The following LAMA1 variants were observed in gnomAD, a reference collection of about 807,000 sequenced individuals.
LAMA1 encodes the protein laminin subunit alpha 1.
In LAMA1, 219 loss-of-function variants were observed where a neutral mutation model predicts 348.7. The observed-to-expected ratio is 0.63, with a 90% CI of 0.56 to 0.70. LAMA1 has a LOEUF of 0.70. Among genes scored for constraint, LAMA1 ranks in the 30% least tolerant of loss-of-function variants. The pLI is 0.00. For missense variants in LAMA1, 3,744 were observed against 3,888.0 expected (o/e 0.96, Z 0.99); for synonymous variants, 1,487 against 1,491.0 (o/e 1.00, Z 0.06).
chr18:6,971,507 T>C (rs959188547), intron 48 of LAMA1, among the ~76,000 whole-genome samples: 1 of 152,142 alleles, frequency 6.6e-6, no homozygotes, highest in African/African-American at 2.4e-5. Context: ...ACGTTTAGGG[T>C]TTATGATCCA....
intron 16 of LAMA1, among the ~76,000 whole-genome samples, chr18:7,031,785 A>G (rs1051961428): frequency 6.6e-6 from 1 of 151,944 alleles, no homozygotes; most frequent in Non-Finnish European, 1.5e-5. Context: ...TTATAGTCTC[A>G]GCAAATAAAA....
intron 1 of LAMA1, among the ~76,000 whole-genome samples, chr18:7,089,311 G>A (rs532400368): frequency 3.7e-4 from 56 of 152,104 alleles, no homozygotes; most frequent in Admixed American, 4.6e-4. Flanking sequence ...CCCAGGAGGC[G>A]GACATTGCAG....
Position 7,043,240 on chromosome 18 carries a change from T to C in LAMA1, c.1142A>G (p.Tyr381Cys), listed in dbSNP as rs1189040116. 6.8e-6 allele frequency: 11 copies of C among 1,614,056 alleles called. No individual in the cohort carries two copies. The Admixed American group carries it at 1.3e-4, about 20-fold the overall frequency. Residue 381 changes from tyrosine to cysteine, a missense_variant, in exon 8 of 63, where the codon TAT (tyrosine) becomes TGT (cysteine). This residue lies in a region of LAMA1 where 1,529 missense variants were observed against 1,689.4 expected (regional missense o/e 0.91). Coordinates refer to ENST00000389658, the MANE Select transcript of LAMA1 (RefSeq NM_005559.4). ...AAATACTCTTACTTTGTGTGGTCTA[T>C]AATATCCATCAATACAGGTTTCACA... ...INCETCIDGY[Y>C]RPHKVSPYED...
In LAMA1 at chr18:6,950,859, G is replaced by T. The variant is rs2057543124; in HGVS notation, c.8320C>A (p.His2774Asn). Residue 2774 changes from histidine (H) to asparagine (N), a missense_variant, in exon 58 of 63, where the codon CAC becomes AAC. Physicochemically the swap from His to Asn is moderately conservative, Grantham distance 68. Coordinates refer to ENST00000389658, the MANE Select transcript of LAMA1 (RefSeq NM_005559.4). ...AVLQLHGGRL[H>N]FMFDLGKGRT... ...CCTTTGCCAAGGTCAAACATGAAGT[G>T]GAGGCGGCCCCCGTGCAGCTGGAGC... The T allele has an allele frequency of 6.2e-7, 1 of 1,614,168 alleles. No homozygotes were observed. Among genetic ancestry groups the T allele is most frequent in the South Asian group, 1.1e-5 (1 of 91,080 alleles).
At position 7,117,729 on chromosome 18, in the gene LAMA1, C is replaced by A. The variant is rs543910953; in HGVS notation, c.-9G>T. 6.3e-7 allele frequency: 1 copy of A among 1,595,636 alleles called. No homozygotes were observed. The highest frequency in any genetic ancestry group is 1.7e-5 in the Admixed American group (1 of 59,680). On this transcript the variant is annotated 5_prime_UTR_variant, in exon 1 of 63. Coordinates refer to ENST00000389658, the MANE Select transcript of LAMA1 (RefSeq NM_005559.4). ...AGCACGCCCCCGCGCATCTCGCCTC[C>A]GCCGCCACTCGGTGGGTCTGGGGAG...
Position 7,015,795 on chromosome 18 carries a change from G to T in LAMA1, c.3053C>A (p.Pro1018His), listed in dbSNP as rs767646512. Residue 1018 changes from proline to histidine, a missense_variant, in exon 22 of 63, where the codon CCT becomes CAT. Physicochemically the swap from Pro to His is moderately conservative, Grantham distance 77. Coordinates refer to ENST00000389658, the MANE Select transcript of LAMA1 (RefSeq NM_005559.4). Reference sequence around the variant, plus strand: ...TTCACACTTCACACCCTGTGTGTGAGGGGGGCAGACACACTCTCCAGTTTC... The same window carrying T: ...TTCACACTTCACACCCTGTGTGTGATGGGGGCAGACACACTCTCCAGTTTC... ...DPETGECVCPPHTQGVKCEEC... is the reference protein window; with the variant it reads ...DPETGECVCPHHTQGVKCEEC... 1.9e-6 allele frequency: 3 copies of T among 1,614,016 alleles called. No homozygotes were observed. Among genetic ancestry groups the T allele is most frequent in the South Asian group, 2.2e-5 (2 of 91,076 alleles).
At position 7,031,932 on chromosome 18, in the gene LAMA1, C is replaced by T. The variant is rs796797364; in HGVS notation, c.2274+134G>A. 58 of 601,590 alleles carry T rather than the reference C, an allele frequency of 9.6e-5. 1 individual carries two copies. The highest frequency in any genetic ancestry group is 9.1e-4 in the African/African-American group (46 of 50,722). The allele number at this position is 601,590 out of a possible 1,614,324, so 37.3% of individuals were successfully genotyped here. ...AACATTTCATGACATGAGCTTAAAT[C>T]TGTAAATTTTCTTTGGGGTCTATGA... On this transcript the variant is annotated intron_variant, in intron 16 of 62. Transcript: ENST00000389658.
intron 29 of LAMA1, among the ~76,000 whole-genome samples, chr18:7,004,270 G>A (rs2057822059): frequency 6.6e-6 from 1 of 152,160 alleles, no homozygotes; most frequent in African/African-American, 2.4e-5. Context: ...CGGTGGTAGG[G>A]AGTGGGTAAC....
At chr18:7,048,802 G>A (rs974008395) in intron 5 of LAMA1, among the ~76,000 whole-genome samples, 4 of 152,076 alleles carry the variant, frequency 2.6e-5, no homozygotes, top group Non-Finnish European at 4.4e-5. Context: ...ACCAGACTAC[G>A]ATGTGAAGAA....
intron 3 of LAMA1, among the ~76,000 whole-genome samples, chr18:7,057,817 TAG>T (rs1180397725): frequency 6.7e-6 from 1 of 149,570 alleles, no homozygotes; most frequent in Non-Finnish European, 1.5e-5. Context: ...TTTTTTGAGA[TAG>T]AGTCTCACTC....
chr18:7,038,813 A>G lies in LAMA1; in HGVS notation c.1560T>C (p.Gly520=). The G allele has an allele frequency of 6.2e-7, 1 of 1,614,140 alleles. No individual in the cohort carries two copies. The highest frequency in any genetic ancestry group is 8.5e-7 in the Non-Finnish European group (1 of 1,180,034). Residue 520 remains glycine, a synonymous_variant, in exon 11 of 63, where the codon GGT becomes GGC. Transcript: ENST00000389658. ...DVCSSLSWPV[G]QVNSMSGWLV... ...CCGCGCAGATGGCGCCTCCCACCTG[A>G]CCAACAGGCCAAGAGAGGCTGCTGC... is the stretch of plus-strand genomic sequence containing the variant.
intron 3 of LAMA1, among the ~76,000 whole-genome samples, chr18:7,072,876 G>A (rs775913238): frequency 6.6e-6 from 1 of 152,120 alleles, no homozygotes; most frequent in Non-Finnish European, 1.5e-5. Context: ...TGGAGGGCTG[G>A]AGGGAGGCAG....
chr18:6,961,987 T>C lies in LAMA1; in HGVS notation c.7410A>G (p.Leu2470=). The change falls in exon 52 of 63, where the codon TTA becomes TTG. Residue 2470 remains leucine (L), a synonymous_variant. Transcript: ENST00000389658. ...NLEISRSTFD[L]LRNSYGVRKG... ...TTCTCACTCCATAGGAATTTCTGAG[T>C]AAGTCAAAGGTTGATCTGGATATTT... 1 of 1,614,156 alleles carries C rather than the reference T, an allele frequency of 6.2e-7. No individual in the cohort carries two copies. Among genetic ancestry groups the C allele is most frequent in the Non-Finnish European group, 8.5e-7 (1 of 1,180,028 alleles).
chr18:7,117,725 C>T lies in LAMA1; in HGVS notation c.-5G>A. On this transcript the variant is annotated 5_prime_UTR_variant, in exon 1 of 63. Transcript: ENST00000389658. ...CAGGAGCACGCCCCCGCGCATCTCG[C>T]CTCCGCCGCCACTCGGTGGGTCTGG... 6.3e-7 allele frequency: 1 copy of T among 1,596,272 alleles called. No individual in the cohort carries two copies. The highest frequency in any genetic ancestry group is 8.5e-7 in the Non-Finnish European group (1 of 1,177,698).
At position 7,002,115 on chromosome 18, in the gene LAMA1, A is replaced by T. The variant is rs528161534; in HGVS notation, c.4382+149T>A. 1.2e-5 allele frequency: 12 copies of T among 1,025,870 alleles called. No homozygotes were observed. The East Asian group carries it at 3.1e-4, about 27-fold the overall frequency. 63.5% of individuals were successfully genotyped at this position (1,025,870 alleles called of 1,614,324 possible). On this transcript the variant is annotated intron_variant, in intron 30 of 62. Coordinates refer to ENST00000389658, the MANE Select transcript of LAMA1 (RefSeq NM_005559.4). Reference sequence around the variant, plus strand: ...AAAAGATTCTCTTCCAATGCTTTTGAGAATGAACACCTTTTCTTAAAATTA... The same window carrying T: ...AAAAGATTCTCTTCCAATGCTTTTGTGAATGAACACCTTTTCTTAAAATTA...
intron 46 of LAMA1, 50 bp from the exon 47 acceptor site, chr18:6,973,257 C>A (rs771220118): frequency 1.3e-6 from 2 of 1,561,318 alleles, no homozygotes; most frequent in African/African-American, 2.7e-5. Flanking sequence ...TTCCAGTCAG[C>A]GCACATACAA....
chr18:7,037,878 TA>T (rs2058002589), intron 11 of LAMA1, 127 bp from the exon 12 acceptor site: 2 of 895,460 alleles, frequency 2.2e-6, no homozygotes, highest in Admixed American at 2.0e-5. Flanking sequence ...GGCATTAACA[TA>T]ACACCTGTGG....
chr18:6,968,358 C>A (rs935863561), intron 48 of LAMA1, among the ~76,000 whole-genome samples: 1 of 152,180 alleles, frequency 6.6e-6, no homozygotes, highest in African/African-American at 2.4e-5. Flanking sequence ...TGCCGTCATG[C>A]GAGGGCATGA....
intron 3 of LAMA1, among the ~76,000 whole-genome samples, chr18:7,065,721 T>C (rs1334422719): frequency 6.6e-6 from 1 of 152,212 alleles, no homozygotes; most frequent in African/African-American, 2.4e-5. Flanking sequence ...AGTGAGACTC[T>C]GTCTCAAAAA....
Sources: allele counts gnomAD v4.1 joint callset (sites outside exome capture counted in the v4.1 genomes callset), GRCh38; gene constraint gnomAD v4.1.1; regional missense constraint gnomAD v4.1.1; transcripts MANE v1.5; gene names NCBI Gene and HGNC (gene_info 2026-07-23, HGNC 2026-07-21).